TTBK2: variants seen among roughly 807,000 people sequenced by gnomAD.
The protein encoded by TTBK2 is tau-tubulin kinase 2.
In TTBK2, 28 loss-of-function variants were observed where a neutral mutation model predicts 110.8. That is an observed-to-expected ratio of 0.25 (90% CI 0.19 to 0.35). The LOEUF is 0.35. Ranked by LOEUF, TTBK2 falls within the 10% of genes least tolerant of loss-of-function variation. The probability of loss-of-function intolerance (pLI) is 1.00; values close to 1 mark genes in which losing one functional copy is unlikely to be tolerated. For synonymous variants in TTBK2, 532 were observed against 527.3 expected (o/e 1.01, Z -0.12); for missense variants, 1,369 against 1,500.3 (o/e 0.91, Z 1.45).
At chr15:42,811,610 T>C in intron 8 of TTBK2, 78 bp downstream of exon 8, 1 of 1,135,668 alleles carries the variant, frequency 8.8e-7, no homozygotes, top group South Asian at 1.3e-5. Context: ...TACATAAGTA[T>C]ATTTTCAACA....
At chr15:42,913,102 G>A (rs1448140731) in intron 1 of TTBK2, among the ~76,000 whole-genome samples, 10 of 128,456 alleles carry the variant, frequency 7.8e-5, no homozygotes, top group Middle Eastern at 5.6e-3. Context: ...TCCTCAGTCC[G>A]ACCTGGGCGA....
Position 42,742,309 on chromosome 15 carries a change from C to CA in TTBK2, c.*3485dup, listed in dbSNP as rs1487456513. 1 of 152,170 alleles carries CA rather than the reference C, an allele frequency of 6.6e-6. No homozygotes were observed. Among genetic ancestry groups the CA allele is most frequent in the Non-Finnish European group, 1.5e-5 (1 of 68,026 alleles). The allele number at this position is 152,170 out of a possible 1,614,324, so 9.4% of individuals were successfully genotyped here. On this transcript the variant is annotated 3_prime_UTR_variant, in exon 15 of 15. Coordinates refer to ENST00000267890, the MANE Select transcript of TTBK2 (RefSeq NM_173500.4). ...TAAAAAACAGTTAATGTAACTATGCCACTGTCAGCAAGGCCAGCTTGCATA... is the reference window on the plus strand; with the variant it reads ...TAAAAAACAGTTAATGTAACTATGCCAACTGTCAGCAAGGCCAGCTTGCATA...
intron 3 of TTBK2, among the ~76,000 whole-genome samples, chr15:42,866,801 T>C (rs1288916083): frequency 6.6e-6 from 1 of 152,156 alleles, no homozygotes; most frequent in Non-Finnish European, 1.5e-5. Flanking sequence ...ATTAATACAA[T>C]GCACTTCTAA....
In TTBK2 at chr15:42,752,143, A is replaced by T. The variant is rs1472133655; in HGVS notation, c.3103T>A (p.Ser1035Thr). The T allele has an allele frequency of 6.2e-6, 10 of 1,614,174 alleles. No homozygotes were observed. The highest frequency in any genetic ancestry group is 6.8e-6 in the Non-Finnish European group (8 of 1,180,044). ...RLTVDSHLSR[S>T]AEDSFLSPII... is the part of the protein sequence containing the mutation. ...GGTGACAGAAAGCTATCTTCAGCTGACCTACTCAGGTGAGAATCTACTGTC... is the reference window on the plus strand; with the variant it reads ...GGTGACAGAAAGCTATCTTCAGCTGTCCTACTCAGGTGAGAATCTACTGTC... The change falls in exon 14 of 15, where the codon TCA (serine) becomes ACA (threonine). Residue 1035 changes from serine to threonine, a missense_variant. By Grantham distance (58) the Ser-to-Thr change is moderately conservative. Around this residue, in one of 4 missense-constraint regions of TTBK2, gnomAD observed 1,097 missense variants for 1,114.7 expected, o/e 0.98. Transcript: ENST00000267890.
intron 6 of TTBK2, among the ~76,000 whole-genome samples, chr15:42,824,732 G>A (rs1892455481): frequency 1.3e-5 from 2 of 151,974 alleles, no homozygotes; most frequent in African/African-American, 4.8e-5. Context: ...GAGGGTGGGA[G>A]GAAAGAAAGG....
intron 1 of TTBK2, among the ~76,000 whole-genome samples, chr15:42,896,729 T>C (rs1321404334): frequency 6.6e-6 from 1 of 152,042 alleles, no homozygotes; most frequent in Admixed American, 6.6e-5. Flanking sequence ...AGGAAGTCAA[T>C]GGCTGCAGTG....
chr15:42,784,429 C>A (rs1332250764), intron 10 of TTBK2, among the ~76,000 whole-genome samples: 2 of 152,020 alleles, frequency 1.3e-5, no homozygotes, highest in African/African-American at 4.8e-5. Flanking sequence ...AGGCGCCCAC[C>A]ACCACACTGG....
At chr15:42,898,893 T>C (rs929896420) in intron 1 of TTBK2, among the ~76,000 whole-genome samples, 1 of 152,240 alleles carries the variant, frequency 6.6e-6, no homozygotes, top group Non-Finnish European at 1.5e-5. Context: ...AGAAGACTCC[T>C]TTTTCAATAA....
chr15:42,856,028 A>C (rs1014026167), intron 3 of TTBK2, among the ~76,000 whole-genome samples: 2 of 152,216 alleles, frequency 1.3e-5, no homozygotes, highest in African/African-American at 4.8e-5. Flanking sequence ...AAAGAGAAGA[A>C]AACTCAATCC....
At chr15:42,910,579 C>G (rs193106374) in intron 1 of TTBK2, among the ~76,000 whole-genome samples, 2 of 152,112 alleles carry the variant, frequency 1.3e-5, no homozygotes, top group South Asian at 2.1e-4. Flanking sequence ...TAAATTGTCA[C>G]GAATACAGGG....
At chr15:42,908,070 A>C (rs935724362) in intron 1 of TTBK2, 4 of 152,164 alleles carry the variant, frequency 2.6e-5, no homozygotes, top group African/African-American at 7.2e-5. Context: ...TAGATGACAA[A>C]GTGAGACCCT....
At position 42,787,843 on chromosome 15, in the gene TTBK2, G is replaced by A. The variant is rs558149595; in HGVS notation, c.981-4208C>T. 1.8e-4 allele frequency among the ~76,000 whole-genome samples: 27 copies of A among 152,092 alleles called. 1 individual carries two copies. The South Asian group carries it at 5.4e-3, about 30-fold the overall frequency. On this transcript the variant is annotated intron_variant, in intron 10 of 14. Coordinates refer to ENST00000267890, the MANE Select transcript of TTBK2 (RefSeq NM_173500.4). ...CAGTCATGTATCGCTTAACAACGGG[G>A]ATACATTCTAACAAATGCCATCGTT...
In TTBK2 at chr15:42,784,078, CAAAAACAAAAG is replaced by C; in HGVS notation, c.981-454_981-444del. Among the ~76,000 whole-genome samples, 3 of 149,468 alleles carry C rather than the reference CAAAAACAAAAG, an allele frequency of 2.0e-5. No individual in the cohort carries two copies. The East Asian group carries it at 5.9e-4, about 29-fold the overall frequency. On this transcript the variant is annotated intron_variant, in intron 10 of 14. Coordinates refer to ENST00000267890, the MANE Select transcript of TTBK2 (RefSeq NM_173500.4). ...CTCCAGCTCAAAAAACAAAACAAAA[CAAAAACAAAAG>C]AAAAAGAAAAAAAAAACTTAGGTCA...
chr15:42,849,183 T>C (rs1229062283), intron 3 of TTBK2, among the ~76,000 whole-genome samples: 1 of 152,176 alleles, frequency 6.6e-6, no homozygotes, highest in Non-Finnish European at 1.5e-5. Flanking sequence ...TTCTTTGTTG[T>C]TCAGATTAGA....
At chr15:42,903,198 C>T (rs993321522) in intron 1 of TTBK2, among the ~76,000 whole-genome samples, 7 of 151,946 alleles carry the variant, frequency 4.6e-5, no homozygotes, top group African/African-American at 1.5e-4. Flanking sequence ...TTATATGATT[C>T]CACTTATAAT....
chr15:42,886,570 C>A (rs780469850), intron 1 of TTBK2, among the ~76,000 whole-genome samples: 1 of 152,114 alleles, frequency 6.6e-6, no homozygotes, highest in Non-Finnish European at 1.5e-5. Context: ...TTACCCAATC[C>A]GCTCCCGACA....
intron 2 of TTBK2, among the ~76,000 whole-genome samples, chr15:42,878,182 T>C (rs1023222346): frequency 7.3e-5 from 11 of 150,762 alleles, no homozygotes; most frequent in African/African-American, 2.7e-4. Context: ...TGGGGTTTCA[T>C]CGTGTTAGCC....
intron 1 of TTBK2, among the ~76,000 whole-genome samples, chr15:42,897,329 T>G (rs1895704955): frequency 6.6e-6 from 1 of 152,204 alleles, no homozygotes; most frequent in Non-Finnish European, 1.5e-5. Flanking sequence ...AATCATTTTT[T>G]TTACTATTAA....
intron 3 of TTBK2, among the ~76,000 whole-genome samples, chr15:42,851,607 AG>A (rs1893716152): frequency 6.6e-6 from 1 of 152,008 alleles, no homozygotes; most frequent in African/African-American, 2.4e-5. Flanking sequence ...TGGGTAATGG[AG>A]GGGGATTTTA....
Sources: allele counts gnomAD v4.1 joint callset (sites outside exome capture counted in the v4.1 genomes callset), GRCh38; gene constraint gnomAD v4.1.1; regional missense constraint gnomAD v4.1.1; transcripts MANE v1.5; gene names NCBI Gene and HGNC (gene_info 2026-07-23, HGNC 2026-07-21).